Variants in DNALI1 observed in about 807,000 individuals in gnomAD.
DNALI1 encodes dynein axonemal light intermediate chain 1, also known as axonemal dynein light intermediate polypeptide 1.
In DNALI1, 31 loss-of-function variants were observed where a neutral mutation model predicts 33.9. That is an observed-to-expected ratio of 0.91 (90% confidence interval 0.69 to 1.23). The LOEUF (loss-of-function observed/expected upper bound fraction) is 1.23. DNALI1 is among the 50% of genes most tolerant of loss of function. The pLI, the probability that DNALI1 is intolerant of heterozygous loss-of-function variation, is 0.00. For missense variants in DNALI1, 305 were observed against 323.8 expected (o/e 0.94, Z 0.44); for synonymous variants, 117 against 129.2 (o/e 0.91, Z 0.64).
chr1:37,563,679 T>A (rs946381687), intron 5 of DNALI1, among the ~76,000 whole-genome samples: 1 of 152,020 alleles, frequency 6.6e-6, no homozygotes, highest in Middle Eastern at 3.2e-3. Flanking sequence ...TGAATAGAGA[T>A]GGGGTTTCAC....
chr1:37,558,948 G>A (rs551412547), intron 2 of DNALI1, among the ~76,000 whole-genome samples: 17 of 152,300 alleles, frequency 1.1e-4, no homozygotes, highest in African/African-American at 3.9e-4. Context: ...TTTCTGGCTC[G>A]CACAAGGTTC....
At chr1:37,563,183 C>G (rs1308620228) in intron 5 of DNALI1, among the ~76,000 whole-genome samples, 2 of 152,204 alleles carry the variant, frequency 1.3e-5, no homozygotes, top group Non-Finnish European at 2.9e-5. Flanking sequence ...ACATTGCAGG[C>G]TTGTTTGGTC....
Position 37,559,646 on chromosome 1 carries a change from C to T in DNALI1, c.397+150C>T, listed in dbSNP as rs2148121914. ...TCCCCCTGCCTGACCCACCCAGCAA[C>T]AGCTAACTGCCCCCTTCCCCTTCCC... is the stretch of plus-strand genomic sequence containing the variant. On this transcript the variant is annotated intron_variant, in intron 3 of 5. Coordinates refer to ENST00000652629, the MANE Select transcript of DNALI1 (RefSeq NM_003462.5). This position sits in a 1 kb window ranked among gnomAD's most constrained non-coding sequence, Gnocchi z 5.3. The T allele has an allele frequency of 6.7e-6, 6 of 899,652 alleles. No homozygotes were observed. Among genetic ancestry groups the T allele is most frequent in the South Asian group, 2.8e-5 (1 of 35,860 alleles). The allele number at this position is 899,652 out of a possible 1,614,324, so 55.7% of individuals were successfully genotyped here. A position where few individuals can be genotyped will look rare whatever the true frequency, so the allele number is the denominator to read the frequency against.
At chr1:37,563,398 A>T (rs1282519555) in intron 5 of DNALI1, among the ~76,000 whole-genome samples, 1 of 152,252 alleles carries the variant, frequency 6.6e-6, no homozygotes, top group African/African-American at 2.4e-5. Context: ...TGGATTAGCA[A>T]CAAGAGCAAA....
rs1247328511 is a variant in DNALI1 at position 37,565,835 on chromosome 1, CT to C, written c.*775del. The C allele has an allele frequency of 6.6e-6, 1 of 152,228 alleles. No individual in the cohort carries two copies. The highest frequency in any genetic ancestry group is 1.5e-5 in the Non-Finnish European group (1 of 68,056). The allele number at this position is 152,228 out of a possible 1,614,324, so 9.4% of individuals were successfully genotyped here. A position where few individuals can be genotyped will look rare whatever the true frequency, so the allele number is the denominator to read the frequency against. ...TGTTAATTAACAACTGAAGAGGTAA[CT>C]AAATCTCACATGCAGGTCTAATGAC... On this transcript the variant is annotated 3_prime_UTR_variant, in exon 6 of 6. Coordinates refer to ENST00000652629, the MANE Select transcript of DNALI1 (RefSeq NM_003462.5).
Position 37,559,149 on chromosome 1 carries a change from G to A in DNALI1, c.228-178G>A, listed in dbSNP as rs1643406522. ...ACCCATTCCCAAGATCCCTGTGGAG[G>A]CAGCATAGTGGGTGTGGCTTTGGAG... is the stretch of plus-strand genomic sequence containing the variant. On this transcript the variant is annotated intron_variant, in intron 2 of 5. Coordinates refer to ENST00000652629, the MANE Select transcript of DNALI1 (RefSeq NM_003462.5). This position sits in a 1 kb window ranked among gnomAD's most constrained non-coding sequence, Gnocchi z 5.3. Among the ~76,000 whole-genome samples the A allele has an allele frequency of 6.6e-6, 1 of 152,230 alleles. No homozygotes were observed. The highest frequency in any genetic ancestry group is 1.5e-5 in the Non-Finnish European group (1 of 68,038).
Position 37,561,983 on chromosome 1 carries a change from T to C in DNALI1, c.577-98T>C. ...TGACCTCCCACTGGGTGGCAGTATATACCCTGGCAATGTCATGTCCCATGT... is the reference window on the plus strand; with the variant it reads ...TGACCTCCCACTGGGTGGCAGTATACACCCTGGCAATGTCATGTCCCATGT... On this transcript the variant is annotated intron_variant, in intron 4 of 5. Coordinates refer to ENST00000652629, the MANE Select transcript of DNALI1 (RefSeq NM_003462.5). This position sits in a 1 kb window ranked among gnomAD's most constrained non-coding sequence, Gnocchi z 4.6. 6.4e-7 allele frequency: 1 copy of C among 1,559,298 alleles called. No homozygotes were observed. Among genetic ancestry groups the C allele is most frequent in the South Asian group, 1.2e-5 (1 of 84,290 alleles).
Position 37,562,306 on chromosome 1 carries a change from C to T in DNALI1, c.741+61C>T. On this transcript the variant is annotated intron_variant, in intron 5 of 5. Transcript: ENST00000652629. The surrounding 1 kb of genome is among the most constrained non-coding windows in gnomAD (Gnocchi z 5.8). The stretch of plus-strand genomic sequence containing the variant: ...TGCCCTGCGACCCAGCCCCACAGGC[C>T]AGGCATTCGGTTCCTTTTCCATGGC... The T allele has an allele frequency of 6.4e-7, 1 of 1,558,384 alleles. No individual in the cohort carries two copies. Among genetic ancestry groups the T allele is most frequent in the South Asian group, 1.2e-5 (1 of 85,994 alleles).
rs3856137 is a variant in DNALI1 at position 37,566,371 on chromosome 1, G to A, written c.*1310G>A. 0.058 allele frequency: 8,871 copies of A among 152,948 alleles called. 291 individuals carry two copies. The highest frequency in any genetic ancestry group is 0.14 in the South Asian group (671 of 4,844). 9.5% of individuals were successfully genotyped at this position (152,948 alleles called of 1,614,324 possible). ...AGTTCCAGGCCTCTAAGACAGGAAC[G>A]TATGTGCCATAAGTGGGTCTACTTC... On this transcript the variant is annotated 3_prime_UTR_variant, in exon 6 of 6. Transcript: ENST00000652629.
rs776178584 is a variant in DNALI1, at chr1:37,562,108, G to T, written c.604G>T (p.Asp202Tyr). ...KIAELETEKR[D>Y]LERQVNEQKA... ...CGCAGAATTGGAGACGGAAAAGAGA[G>T]ACCTGGAGAGGCAAGTGAACGAGCA... Residue 202 changes from aspartate to tyrosine, a missense_variant, in exon 5 of 6, where the codon GAC (aspartate) becomes TAC (tyrosine). Transcript: ENST00000652629. The surrounding 1 kb of genome is among the most constrained non-coding windows in gnomAD (Gnocchi z 5.8). The T allele has an allele frequency of 1.2e-6, 2 of 1,614,090 alleles. No individual in the cohort carries two copies. The highest frequency in any genetic ancestry group is 1.7e-6 in the Non-Finnish European group (2 of 1,179,992).
At chr1:37,564,303 A>C (rs896279069) in intron 5 of DNALI1, among the ~76,000 whole-genome samples, 3 of 149,752 alleles carry the variant, frequency 2.0e-5, no homozygotes, top group African/African-American at 7.4e-5. Flanking sequence ...TTGTGTGCCA[A>C]GTTGTCTCAG....
chr1:37,565,184 C>T lies in DNALI1; in HGVS notation c.*123C>T. The stretch of plus-strand genomic sequence containing the variant: ...AAGCTAGTTTCCTGAGTGAACAAGC[C>T]ATAACCTCCCCTAAACACCACCTAG... On this transcript the variant is annotated 3_prime_UTR_variant, in exon 6 of 6. Transcript: ENST00000652629. The T allele has an allele frequency of 1.9e-6, 2 of 1,070,890 alleles. No homozygotes were observed. Among genetic ancestry groups the T allele is most frequent in the Non-Finnish European group, 1.4e-6 (1 of 711,648 alleles). The allele number at this position is 1,070,890 out of a possible 1,614,324, so 66.3% of individuals were successfully genotyped here. A position where few individuals can be genotyped will look rare whatever the true frequency, so the allele number is the denominator to read the frequency against.
Position 37,559,960 on chromosome 1 carries a change from A to G in DNALI1, c.397+464A>G, listed in dbSNP as rs937167092. On this transcript the variant is annotated intron_variant, in intron 3 of 5. Coordinates refer to ENST00000652629, the MANE Select transcript of DNALI1 (RefSeq NM_003462.5). This position sits in a 1 kb window ranked among gnomAD's most constrained non-coding sequence, Gnocchi z 5.3. ...GTGAGCAAAGGAATCTGTGTCACGA[A>G]TAAGTTCAAGGGAAGGTACTATGCC... 3.3e-5 allele frequency among the ~76,000 whole-genome samples: 5 copies of G among 152,228 alleles called. No individual in the cohort carries two copies. The highest frequency in any genetic ancestry group is 5.9e-5 in the Non-Finnish European group (4 of 68,040).
At position 37,565,088 on chromosome 1, in the gene DNALI1, A is replaced by C; in HGVS notation, c.*27A>C. 6.2e-7 allele frequency: 1 copy of C among 1,613,526 alleles called. No individual in the cohort carries two copies. Among genetic ancestry groups the C allele is most frequent in the Non-Finnish European group, 8.5e-7 (1 of 1,179,410 alleles). ...AATTTCCACATGATTAATTTCCAAC[A>C]AGACACTTGGGAGTTATTTACTGTG... On this transcript the variant is annotated 3_prime_UTR_variant, in exon 6 of 6. Transcript: ENST00000652629.
rs1259324189 is a variant in DNALI1 at position 37,559,209 on chromosome 1, T to C, written c.228-118T>C. The C allele has an allele frequency of 2.8e-6, 3 of 1,063,766 alleles. No homozygotes were observed. The highest frequency in any genetic ancestry group is 3.3e-5 in the African/African-American group (2 of 61,230). 65.9% of individuals were successfully genotyped at this position (1,063,766 alleles called of 1,614,324 possible). On this transcript the variant is annotated intron_variant, in intron 2 of 5. Coordinates refer to ENST00000652629, the MANE Select transcript of DNALI1 (RefSeq NM_003462.5). This position sits in a 1 kb window ranked among gnomAD's most constrained non-coding sequence, Gnocchi z 5.3. ...CCAAGGGATGGAGGATTCTGGTGGG[T>C]TGGTGGCAAAGCTGCCCCTCACCAC...
intron 3 of DNALI1, among the ~76,000 whole-genome samples, chr1:37,560,325 C>G (rs1311143898): frequency 6.6e-6 from 1 of 152,210 alleles, no homozygotes; most frequent in Non-Finnish European, 1.5e-5. Context: ...GGGGAGAAAC[C>G]TTGGACAATA....
rs1271309298 is a variant in DNALI1 at position 37,556,985 on chromosome 1, C to G, written c.-10C>G. ...AGGGCAGCTGCTGGGTTGCTACTCT[C>G]GCCTCCGCCATGATTCCGCCCGCAG... On this transcript the variant is annotated 5_prime_UTR_variant, in exon 1 of 6. Transcript: ENST00000652629. 8.7e-6 allele frequency: 14 copies of G among 1,614,232 alleles called. No homozygotes were observed. Among genetic ancestry groups the G allele is most frequent in the Non-Finnish European group, 1.2e-5 (14 of 1,180,046 alleles).
In DNALI1 at chr1:37,563,741, T is replaced by G. The variant is rs147957312; in HGVS notation, c.742-1285T>G. ...CCTGACCTCACATGATCTGCCCACC[T>G]TGGCCTCCCAAAGTGCTGGAATTAC... On this transcript the variant is annotated intron_variant, in intron 5 of 5. Transcript: ENST00000652629. Among the ~76,000 whole-genome samples, 754 of 152,190 alleles carry G rather than the reference T, an allele frequency of 5.0e-3. 8 individuals are homozygous for G. Among genetic ancestry groups the G allele is most frequent in the African/African-American group, 0.017 (723 of 41,538 alleles).
chr1:37,559,561 A>C lies in DNALI1; in HGVS notation c.397+65A>C, dbSNP rs557735054. On this transcript the variant is annotated intron_variant, in intron 3 of 5. Coordinates refer to ENST00000652629, the MANE Select transcript of DNALI1 (RefSeq NM_003462.5). The surrounding 1 kb of genome is among the most constrained non-coding windows in gnomAD (Gnocchi z 5.3). The stretch of plus-strand genomic sequence containing the variant: ...CTGCTCCCTTCCCTTCACCTTCAGC[A>C]CAGATCCAAGCCTGAGCACCTTGGA... 79 of 1,480,658 alleles carry C rather than the reference A, an allele frequency of 5.3e-5. No individual in the cohort carries two copies. The African/African-American group carries it at 8.5e-4, about 16-fold the overall frequency. 91.7% of individuals were successfully genotyped at this position (1,480,658 alleles called of 1,614,324 possible). A position where few individuals can be genotyped will look rare whatever the true frequency, so the allele number is the denominator to read the frequency against.
Sources: gnomAD v4.1 joint callset for allele counts (sites outside exome capture counted in the v4.1 genomes callset) on GRCh38, gnomAD v4.1.1 for gene constraint, Gnocchi (gnomAD v3.1) non-coding constraint, MANE v1.5 for transcripts, NCBI Gene and HGNC (gene_info 2026-07-23, HGNC 2026-07-21) for gene names.